The following MMS22L variants were observed in gnomAD, a reference collection of about 807,000 sequenced individuals.
MMS22L encodes MMS22 like, DNA repair protein, also known as protein MMS22-like.
In MMS22L, 74 loss-of-function variants were observed where a neutral mutation model predicts 159.1. The observed-to-expected ratio is 0.47, with a 90% CI of 0.39 to 0.56. MMS22L has a LOEUF of 0.56. Ranked by LOEUF, MMS22L falls within the 20% of genes least tolerant of loss-of-function variation. The pLI, the probability that MMS22L is intolerant of heterozygous loss-of-function variation, is 0.00. For synonymous variants in MMS22L, 517 were observed against 506.9 expected, an observed-to-expected ratio of 1.02 and a Z score of -0.27; for missense variants, 1,351 against 1,422.1, an observed-to-expected ratio of 0.95 and a Z score of 0.80.
At chr6:97,205,004 C>A (rs1391968109) in intron 14 of MMS22L, among the ~76,000 whole-genome samples, 2 of 129,238 alleles carry the variant, frequency 1.5e-5, no homozygotes, top group Non-Finnish European at 3.1e-5. Context: ...AGTGCAATGG[C>A]GCGATCACAG....
chr6:97,237,105 G>A (rs943742163), intron 11 of MMS22L, among the ~76,000 whole-genome samples: 1 of 152,130 alleles, frequency 6.6e-6, no homozygotes, highest in African/African-American at 2.4e-5. Context: ...AAGGTCAATG[G>A]TAACGGGCAA....
intron 11 of MMS22L, chr6:97,246,141 CACT>C (rs1331444213): frequency 2.2e-6 from 1 of 453,012 alleles, no homozygotes; most frequent in African/African-American, 2.0e-5. Flanking sequence ...GGCCATGAAG[CACT>C]ACATTAACAG....
chr6:97,188,020 C>G (rs1278704175), intron 14 of MMS22L, among the ~76,000 whole-genome samples: 1 of 152,110 alleles, frequency 6.6e-6, no homozygotes, highest in South Asian at 2.1e-4. Flanking sequence ...AAAAGCTAAC[C>G]AAATATCTGC....
At chr6:97,204,826 A>G (rs1410799093) in intron 14 of MMS22L, among the ~76,000 whole-genome samples, 4 of 147,758 alleles carry the variant, frequency 2.7e-5, no homozygotes, top group Non-Finnish European at 6.0e-5. Context: ...AACTATAATT[A>G]TAATTTAATA....
chr6:97,232,971 TG>T (rs1358702224), intron 12 of MMS22L, among the ~76,000 whole-genome samples: 2 of 152,052 alleles, frequency 1.3e-5, no homozygotes, highest in African/African-American at 2.4e-5. Context: ...CTAAATATAT[TG>T]TTCCTATTTC....
At chr6:97,157,908 T>C (rs1217845638) in intron 22 of MMS22L, among the ~76,000 whole-genome samples, 1 of 152,216 alleles carries the variant, frequency 6.6e-6, no homozygotes. Flanking sequence ...CAGCTCCTCC[T>C]TGTAACTCTG....
chr6:97,177,802 T>C (rs1804274102), intron 18 of MMS22L, among the ~76,000 whole-genome samples: 1 of 152,158 alleles, frequency 6.6e-6, no homozygotes, highest in South Asian at 2.1e-4. Context: ...CTGCAGCTAA[T>C]ACCAACCACT....
At chr6:97,206,768 A>C (rs1322505506) in intron 14 of MMS22L, among the ~76,000 whole-genome samples, 1 of 152,158 alleles carries the variant, frequency 6.6e-6, no homozygotes, top group Non-Finnish European at 1.5e-5. Context: ...CTAAACGCCC[A>C]TCATAAGGAC....
chr6:97,231,675 T>C (rs1313758566), intron 12 of MMS22L, 23 bp from the exon 13 acceptor site: 2 of 1,498,090 alleles, frequency 1.3e-6, no homozygotes, highest in Non-Finnish European at 1.8e-6. Flanking sequence ...AAAAAAAAGA[T>C]AGAAAACAAT....
rs1800698701 is a variant in MMS22L, at chr6:97,142,738, T to C, written c.*4068A>G. 6.6e-6 allele frequency: 1 copy of C among 152,128 alleles called. No individual in the cohort carries two copies. The highest frequency in any genetic ancestry group is 1.5e-5 in the Non-Finnish European group (1 of 67,992). The allele number at this position is 152,128 out of a possible 1,614,324, so 9.4% of individuals were successfully genotyped here. A position where few individuals can be genotyped will look rare whatever the true frequency, so the allele number is the denominator to read the frequency against. ...ACTGTAGAAGCTTGTCAAATTTTTATATAACATACAATTTTTAACTGTCAA... is the reference window on the plus strand; with the variant it reads ...ACTGTAGAAGCTTGTCAAATTTTTACATAACATACAATTTTTAACTGTCAA... On this transcript the variant is annotated 3_prime_UTR_variant, in exon 25 of 25. Transcript: ENST00000683635.
chr6:97,191,084 GCTA>G (rs1212551266), intron 14 of MMS22L, among the ~76,000 whole-genome samples: 2 of 151,962 alleles, frequency 1.3e-5, no homozygotes, highest in Admixed American at 6.6e-5. Context: ...TTATTTGTCT[GCTA>G]CTTCTTGCTT....
intron 11 of MMS22L, among the ~76,000 whole-genome samples, chr6:97,236,953 A>G (rs78617137): frequency 6.9e-6 from 1 of 145,838 alleles, no homozygotes; most frequent in Non-Finnish European, 1.5e-5. Flanking sequence ...TCCGCCTCAG[A>G]AAAAAAAAAA....
intron 14 of MMS22L, among the ~76,000 whole-genome samples, chr6:97,217,703 G>C (rs185681966): frequency 6.6e-6 from 1 of 152,212 alleles, no homozygotes; most frequent in African/African-American, 2.4e-5. Context: ...GACTAACAAG[G>C]GTGAGGAACG....
rs1044825206 is a variant in MMS22L, at chr6:97,144,445, G to A, written c.*2361C>T. 1.3e-5 allele frequency: 2 copies of A among 152,192 alleles called. No homozygotes were observed. The highest frequency in any genetic ancestry group is 4.8e-5 in the African/African-American group (2 of 41,432). The allele number at this position is 152,192 out of a possible 1,614,324, so 9.4% of individuals were successfully genotyped here. A position where few individuals can be genotyped will look rare whatever the true frequency, so the allele number is the denominator to read the frequency against. Reference sequence around the variant, plus strand: ...GTGGACCTGCACAGTTCAAACTTGTGTTGCTCAAGGGTCAACTGTATATGT... The same window carrying A: ...GTGGACCTGCACAGTTCAAACTTGTATTGCTCAAGGGTCAACTGTATATGT... On this transcript the variant is annotated 3_prime_UTR_variant, in exon 25 of 25. Transcript: ENST00000683635.
intron 16 of MMS22L, among the ~76,000 whole-genome samples, chr6:97,180,665 T>A (rs1357119924): frequency 6.6e-6 from 1 of 152,216 alleles, no homozygotes; most frequent in Non-Finnish European, 1.5e-5. Flanking sequence ...ATGTTACTAA[T>A]ACGCTAACAA....
rs983971350 is a variant in MMS22L at position 97,254,547 on chromosome 6, G to A, written c.1119+10C>T. 1 of 1,606,964 alleles carries A rather than the reference G, an allele frequency of 6.2e-7. No individual in the cohort carries two copies. The highest frequency in any genetic ancestry group is 1.3e-5 in the African/African-American group (1 of 74,594). On this transcript the variant is annotated intron_variant, in intron 10 of 24. Coordinates refer to ENST00000683635, the MANE Select transcript of MMS22L (RefSeq NM_001350599.2). ...CAATATAAGAAAGTTTTTAAAAAAT[G>A]AAGTCTTACCATTTCATCTGGTACT...
chr6:97,190,838 T>C lies in MMS22L; in HGVS notation c.2040-4148A>G, dbSNP rs373909432. On this transcript the variant is annotated intron_variant, in intron 14 of 24. Coordinates refer to ENST00000683635, the MANE Select transcript of MMS22L (RefSeq NM_001350599.2). The stretch of plus-strand genomic sequence containing the variant: ...AAGAACAGGAACAATTGTTGCTATA[T>C]CCACCTAACAGGGTTATTGTGAAGA... Among the ~76,000 whole-genome samples the C allele has an allele frequency of 1.7e-4, 26 of 152,290 alleles. 1 individual carries two copies. The highest frequency in any genetic ancestry group is 6.0e-4 in the African/African-American group (25 of 41,562).
intron 14 of MMS22L, among the ~76,000 whole-genome samples, chr6:97,193,916 A>G (rs1806174489): frequency 6.6e-6 from 1 of 151,928 alleles, no homozygotes; most frequent in Non-Finnish European, 1.5e-5. Flanking sequence ...GCCCGCCACC[A>G]CGCCCAGCTA....
intron 4 of MMS22L, among the ~76,000 whole-genome samples, 160 bp downstream of exon 4, chr6:97,278,689 T>C (rs1334338173): frequency 6.6e-6 from 1 of 152,158 alleles, no homozygotes; most frequent in African/African-American, 2.4e-5. Flanking sequence ...TACAACAAAA[T>C]TTAAAAAGTC....
Sources: gnomAD v4.1 joint callset for allele counts (sites outside exome capture counted in the v4.1 genomes callset) on GRCh38, gnomAD v4.1.1 for gene constraint, MANE v1.5 for transcripts, NCBI Gene and HGNC (gene_info 2026-07-23, HGNC 2026-07-21) for gene names.